Variants in TRAPPC9 observed in about 807,000 individuals in gnomAD.
TRAPPC9 encodes the protein IKK2 binding protein.
Under a neutral mutation model 124.0 loss-of-function variants are expected in TRAPPC9, and 83 were observed. The ratio of observed to expected loss-of-function variants is 0.67; its 90% CI spans 0.56 to 0.80. TRAPPC9 has a LOEUF of 0.80. TRAPPC9 is among the 30% of genes least tolerant of loss of function. The pLI, the probability that TRAPPC9 is intolerant of heterozygous loss-of-function variation, is 0.00. For missense variants in TRAPPC9, 1,302 were observed against 1,508.3 expected (o/e 0.86, Z 2.27); for synonymous variants, 638 against 617.5 (o/e 1.03, Z -0.49).
At chr8:140,397,997 T>A (rs1052209814) in intron 6 of TRAPPC9, among the ~76,000 whole-genome samples, 3 of 152,212 alleles carry the variant, frequency 2.0e-5, no homozygotes, top group Non-Finnish European at 2.9e-5. Flanking sequence ...GTTTCCCCCA[T>A]ATTGTTCTCA....
upstream of TRAPPC9, chr8:140,457,750 C>G (rs946537718): frequency 3.4e-5 from 34 of 995,504 alleles, no homozygotes; most frequent in Non-Finnish European, 3.9e-5. Context: ...CTACTGGCGG[C>G]CGAGCCGGCG....
rs35366571 is a variant in TRAPPC9 at position 140,245,464 on chromosome 8, GGTGTGTGTGTGT to G, written c.2431+7301_2431+7312del. ...TAGCCTTTTCATCTCTTTGTTTTGTGGTGTGTGTGTGTGTGTGTGTGTGTGTGTCTGTAAAAT... is the reference window on the plus strand; with the variant it reads ...TAGCCTTTTCATCTCTTTGTTTTGTGGTGTGTGTGTGTGTGTCTGTAAAAT... On this transcript the variant is annotated intron_variant, in intron 16 of 22. Coordinates refer to ENST00000438773, the MANE Select transcript of TRAPPC9 (RefSeq NM_001160372.4). Among the ~76,000 whole-genome samples the G allele has an allele frequency of 8.0e-5, 12 of 150,212 alleles. No individual in the cohort carries two copies. In the South Asian group the frequency reaches 2.1e-3, roughly 26 times the overall value.
At chr8:140,017,454 T>C (rs978297667) in intron 18 of TRAPPC9, among the ~76,000 whole-genome samples, 14 of 152,240 alleles carry the variant, frequency 9.2e-5, no homozygotes, top group Non-Finnish European at 1.9e-4. Context: ...GACGTCCAGT[T>C]GTTCCAGCAT....
At chr8:140,398,262 C>T (rs2069152838) in intron 6 of TRAPPC9, among the ~76,000 whole-genome samples, 1 of 152,064 alleles carries the variant, frequency 6.6e-6, no homozygotes, top group Admixed American at 6.6e-5. Flanking sequence ...TAAATTGGTA[C>T]CCAGAATGGA....
At chr8:139,830,375 A>G (rs750003582) in intron 21 of TRAPPC9, among the ~76,000 whole-genome samples, 3 of 152,070 alleles carry the variant, frequency 2.0e-5, no homozygotes, top group Non-Finnish European at 2.9e-5. Context: ...CGCTACACAT[A>G]CACACACATG....
chr8:139,934,561 C>T (rs1833394016), intron 19 of TRAPPC9, among the ~76,000 whole-genome samples: 1 of 152,156 alleles, frequency 6.6e-6, no homozygotes, highest in South Asian at 2.1e-4. Context: ...ACTTAATGAT[C>T]AGCCCCTGTC....
intron 15 of TRAPPC9, among the ~76,000 whole-genome samples, chr8:140,259,722 G>A (rs1026145202): frequency 3.9e-5 from 6 of 152,274 alleles, no homozygotes; most frequent in Middle Eastern, 3.4e-3. Context: ...GAGCTGTGTG[G>A]ACGAAGTGAT....
intron 9 of TRAPPC9, among the ~76,000 whole-genome samples, chr8:140,324,078 T>C (rs1415771635): frequency 6.6e-6 from 1 of 152,070 alleles, no homozygotes; most frequent in Non-Finnish European, 1.5e-5. Flanking sequence ...CCAAAGTCCG[T>C]TGTATCATTC....
At chr8:139,990,770 A>G (rs1306570085) in intron 18 of TRAPPC9, among the ~76,000 whole-genome samples, 1 of 152,114 alleles carries the variant, frequency 6.6e-6, no homozygotes, top group Non-Finnish European at 1.5e-5. Flanking sequence ...TATTTTTAGT[A>G]GAGACAGGGT....
At chr8:140,266,633 T>G (rs1226196147) in intron 15 of TRAPPC9, among the ~76,000 whole-genome samples, 2 of 151,250 alleles carry the variant, frequency 1.3e-5, no homozygotes, top group South Asian at 4.2e-4. Flanking sequence ...CCAAGGCGGG[T>G]GGATTACGAG....
At chr8:139,928,580 G>C (rs956388241) in intron 19 of TRAPPC9, among the ~76,000 whole-genome samples, 1 of 151,948 alleles carries the variant, frequency 6.6e-6, no homozygotes, top group African/African-American at 2.4e-5. Flanking sequence ...CAAGGCCTTT[G>C]TGTGTACAAT....
At chr8:139,916,293 T>A (rs1694803084) in intron 19 of TRAPPC9, 1 of 151,928 alleles carries the variant, frequency 6.6e-6, no homozygotes, top group African/African-American at 2.4e-5. Context: ...TTGTGTAGAT[T>A]AGATAAGATA....
Position 140,353,909 on chromosome 8 carries a change from C to T in TRAPPC9, c.1495+6141G>A, listed in dbSNP as rs2132138276. ...CTTGCTGGGTGGGCAAACAGACCAA[C>T]ACCTCCACAGCCCAGCATGCTGGAA... On this transcript the variant is annotated intron_variant, in intron 9 of 22. Coordinates refer to ENST00000438773, the MANE Select transcript of TRAPPC9 (RefSeq NM_001160372.4). This position sits in a 1 kb window ranked among gnomAD's most constrained non-coding sequence, Gnocchi z 4.2. Among the ~76,000 whole-genome samples the T allele has an allele frequency of 6.6e-6, 1 of 152,340 alleles. No homozygotes were observed. Among genetic ancestry groups the T allele is most frequent in the South Asian group, 2.1e-4 (1 of 4,828 alleles).
chr8:139,815,491 G>A (rs1008655616), intron 21 of TRAPPC9, among the ~76,000 whole-genome samples: 3 of 151,826 alleles, frequency 2.0e-5, no homozygotes, highest in South Asian at 4.2e-4. Context: ...GGGTTCAAGC[G>A]ATTCTCCCAC....
At chr8:139,791,311 C>CT (rs1243188655) in intron 21 of TRAPPC9, among the ~76,000 whole-genome samples, 2 of 147,880 alleles carry the variant, frequency 1.4e-5, no homozygotes, top group Non-Finnish European at 3.0e-5. Context: ...CACAGGCGCC[C>CT]GTCTCCCCTG....
chr8:140,139,901 T>G (rs1411063354), intron 17 of TRAPPC9, among the ~76,000 whole-genome samples: 1 of 152,202 alleles, frequency 6.6e-6, no homozygotes, highest in Non-Finnish European at 1.5e-5. Context: ...ATGCTGTATG[T>G]CACCTTATGA....
intron 19 of TRAPPC9, among the ~76,000 whole-genome samples, chr8:139,925,814 C>T (rs1473171984): frequency 2.2e-5 from 2 of 90,736 alleles, no homozygotes; most frequent in Non-Finnish European, 4.4e-5. Flanking sequence ...CACACGCACA[C>T]GCACACGCAC....
At chr8:139,765,562 G>A (rs749213410) in intron 21 of TRAPPC9, among the ~76,000 whole-genome samples, 19 of 152,196 alleles carry the variant, frequency 1.2e-4, no homozygotes, top group Non-Finnish European at 2.5e-4. Context: ...GGCAAGGAAG[G>A]GAGGGCTTTT....
intron 10 of TRAPPC9, among the ~76,000 whole-genome samples, chr8:140,304,216 T>A (rs1172723233): frequency 6.6e-6 from 1 of 151,918 alleles, no homozygotes; most frequent in Non-Finnish European, 1.5e-5. Context: ...TGCCTCAGCC[T>A]CCCAAGTAGC....
Sources: allele counts gnomAD v4.1 joint callset (sites outside exome capture counted in the v4.1 genomes callset), GRCh38; gene constraint gnomAD v4.1.1; non-coding constraint Gnocchi (gnomAD v3.1); transcripts MANE v1.5; gene names NCBI Gene and HGNC (gene_info 2026-07-23, HGNC 2026-07-21).